The following MYH15 variants were observed in gnomAD, a reference collection of about 807,000 sequenced individuals.
The protein encoded by MYH15 is myosin-15.
Under a neutral mutation model 240.5 loss-of-function variants are expected in MYH15, and 227 were observed. The ratio of observed to expected loss-of-function variants is 0.94; its 90% CI spans 0.85 to 1.05. The LOEUF (loss-of-function observed/expected upper bound fraction) is 1.05. Ranked by LOEUF, MYH15 falls within the 50% of genes least tolerant of loss-of-function variation. The pLI is 0.00. For synonymous variants in MYH15, 785 were observed against 796.7 expected (o/e 0.99, Z 0.25); for missense variants, 2,217 against 2,247.5 (o/e 0.99, Z 0.27).
chr3:108,531,924 CAAT>C (rs1189763332), upstream of MYH15, among the ~76,000 whole-genome samples: 1 of 152,022 alleles, frequency 6.6e-6, no homozygotes, highest in Non-Finnish European at 1.5e-5. Flanking sequence ...CCCAAGGGCA[CAAT>C]ATTACAGTAG....
intron 21 of MYH15, among the ~76,000 whole-genome samples, chr3:108,449,640 C>A (rs1223135730): frequency 6.6e-6 from 1 of 151,834 alleles, no homozygotes; most frequent in African/African-American, 2.4e-5. Flanking sequence ...ACCAGAAGAA[C>A]ACTTGGGGAA....
intron 33 of MYH15, among the ~76,000 whole-genome samples, chr3:108,402,265 C>G (rs2082511318): frequency 6.6e-6 from 1 of 152,188 alleles, no homozygotes; most frequent in Non-Finnish European, 1.5e-5. Flanking sequence ...TGAGCATATT[C>G]TGGCAGAGAT....
At chr3:108,403,061 C>T (rs1206065148) in intron 33 of MYH15, among the ~76,000 whole-genome samples, 1 of 152,010 alleles carries the variant, frequency 6.6e-6, no homozygotes, top group Non-Finnish European at 1.5e-5. Context: ...TCTATGAAGC[C>T]CTGACTAGAA....
chr3:108,444,682 G>C lies in MYH15; in HGVS notation c.2613C>G (p.Ser871=). The C allele has an allele frequency of 6.2e-7, 1 of 1,613,870 alleles. No individual in the cohort carries two copies. Among genetic ancestry groups the C allele is most frequent in the Non-Finnish European group, 8.5e-7 (1 of 1,179,914 alleles). ...QREELKAKQV[S]LTQEKNDLIL... ...TCAGGTCATTTTTTTCCTGAGTGAG[G>C]GATACTTGCTTTGCTTTCAGTTCCT... Residue 871 remains serine (S), a synonymous_variant, in exon 22 of 41, where the codon TCC becomes TCG. Coordinates refer to ENST00000693548, the MANE Select transcript of MYH15 (RefSeq NM_014981.3).
At chr3:108,394,177 T>A in intron 35 of MYH15, 21 bp from the exon 36 acceptor site, 1 of 1,613,498 alleles carries the variant, frequency 6.2e-7, no homozygotes, top group Non-Finnish European at 8.5e-7. Flanking sequence ...GCAGCATTCC[T>A]ATTAGGCAAG....
rs564969651 is a variant in MYH15 at position 108,470,089 on chromosome 3, T to C, written c.1507A>G (p.Ile503Val). The C allele has an allele frequency of 3.7e-5, 60 of 1,611,826 alleles. No homozygotes were observed. In the African/African-American group the frequency reaches 4.8e-4, roughly 13 times the overall value. ...YKKESIEWVS[I>V]GFGLDLQACI... ...GCTTGCAAATCCAGACCAAAGCCAA[T>C]AGACACCCATTCAATGCTTTCTTTC... Residue 503 changes from isoleucine to valine, a missense_variant, in exon 14 of 41, where the codon ATT becomes GTT. Transcript: ENST00000693548.
intron 7 of MYH15, among the ~76,000 whole-genome samples, chr3:108,494,177 G>A (rs1208780167): frequency 6.6e-6 from 1 of 152,206 alleles, no homozygotes; most frequent in African/African-American, 2.4e-5. Flanking sequence ...GAGTGGCTCT[G>A]TACAGGGGGA....
At chr3:108,518,365 C>T (rs922698708) in intron 1 of MYH15, among the ~76,000 whole-genome samples, 1 of 152,136 alleles carries the variant, frequency 6.6e-6, no homozygotes, top group Non-Finnish European at 1.5e-5. Context: ...AAACCATCTC[C>T]ATCTTTCCAT....
Position 108,430,880 on chromosome 3 carries a change from A to G in MYH15, c.3264T>C (p.Asn1088=). ...GAAGCTGAGCTACCAGGCCTTTCTCATTCTCCACTTTTGAATTCATCTGAC... is the reference window on the plus strand; with the variant it reads ...GAAGCTGAGCTACCAGGCCTTTCTCGTTCTCCACTTTTGAATTCATCTGAC... ...ELSQMNSKVE[N]EKGLVAQLQK... The change falls in exon 26 of 41, where the codon AAT becomes AAC. Residue 1088 remains asparagine, a synonymous_variant. Coordinates refer to ENST00000693548, the MANE Select transcript of MYH15 (RefSeq NM_014981.3). 1 of 1,612,646 alleles carries G rather than the reference A, an allele frequency of 6.2e-7. No homozygotes were observed.
intron 9 of MYH15, among the ~76,000 whole-genome samples, chr3:108,491,681 C>T (rs2107599066): frequency 6.6e-6 from 1 of 152,260 alleles, no homozygotes; most frequent in Non-Finnish European, 1.5e-5. Flanking sequence ...TTCAATAAAT[C>T]ATGACCTCCT....
At chr3:108,456,692 G>T in intron 19 of MYH15, 74 bp downstream of exon 19, 1 of 1,077,012 alleles carries the variant, frequency 9.3e-7, no homozygotes. Context: ...AACAATGCAT[G>T]CCTAAACACT....
At chr3:108,412,350 CA>C (rs999707191) in intron 30 of MYH15, among the ~76,000 whole-genome samples, 1 of 152,164 alleles carries the variant, frequency 6.6e-6, no homozygotes, top group African/African-American at 2.4e-5. Flanking sequence ...TTCCTGCCAC[CA>C]TGTGAAGAAG....
At chr3:108,518,200 C>A (rs1003089827) in intron 1 of MYH15, among the ~76,000 whole-genome samples, 1 of 152,086 alleles carries the variant, frequency 6.6e-6, no homozygotes, top group African/African-American at 2.4e-5. Context: ...ATGTAATAAC[C>A]TTTATTATAT....
chr3:108,474,466 A>T (rs1349450525), intron 12 of MYH15, among the ~76,000 whole-genome samples: 129 of 144,072 alleles, frequency 9.0e-4, no homozygotes, highest in East Asian at 2.8e-3. Context: ...TTTTTTTTTT[A>T]TTTTTTATTT....
At chr3:108,456,693 C>T in intron 19 of MYH15, 73 bp downstream of exon 19, 1 of 1,094,800 alleles carries the variant, frequency 9.1e-7, no homozygotes, top group Non-Finnish European at 1.4e-6. Context: ...ACAATGCATG[C>T]CTAAACACTC....
chr3:108,423,147 C>T (rs2082697329), intron 27 of MYH15, among the ~76,000 whole-genome samples: 1 of 152,166 alleles, frequency 6.6e-6, no homozygotes, highest in South Asian at 2.1e-4. Context: ...CAGCTTGAAT[C>T]CCAGGTTCCA....
the MYH15 span, among the ~76,000 whole-genome samples, chr3:108,541,257 A>G: frequency 1.3e-5 from 2 of 151,856 alleles, no homozygotes; most frequent in Non-Finnish European, 2.9e-5. Context: ...TCAAATAAAT[A>G]TGAGAGATTG....
chr3:108,472,500 TA>T (rs1364897607), intron 12 of MYH15, among the ~76,000 whole-genome samples: 1 of 152,206 alleles, frequency 6.6e-6, no homozygotes, highest in East Asian at 1.9e-4. Flanking sequence ...CACAGTTTTT[TA>T]TTATCAGCAT....
At chr3:108,397,737 C>T (rs763449008) in intron 35 of MYH15, among the ~76,000 whole-genome samples, 2 of 152,190 alleles carry the variant, frequency 1.3e-5, no homozygotes, top group Non-Finnish European at 2.9e-5. Flanking sequence ...AGAGTCCAGA[C>T]GGTGTATCAT....
Sources: gnomAD v4.1 joint callset for allele counts (sites outside exome capture counted in the v4.1 genomes callset) on GRCh38, gnomAD v4.1.1 for gene constraint, MANE v1.5 for transcripts, NCBI Gene and HGNC (gene_info 2026-07-23, HGNC 2026-07-21) for gene names.